ZNF28: variants seen among roughly 807,000 people sequenced by gnomAD.
ZNF28 encodes zinc finger protein 28, also known as zinc finger protein KOX24.
In ZNF28, 5 loss-of-function variants were observed where a neutral mutation model predicts 7.2. The observed-to-expected ratio is 0.70, with a 90% CI of 0.36 to 1.46. ZNF28 has a LOEUF of 1.46. Ranked by LOEUF, ZNF28 falls within the 40% of genes most tolerant of loss-of-function variation. The pLI, the probability that ZNF28 is intolerant of heterozygous loss-of-function variation, is 0.03. For synonymous variants in ZNF28, 288 were observed against 292.4 expected, an observed-to-expected ratio of 0.99 and a Z score of 0.15; for missense variants, 879 against 866.6, an observed-to-expected ratio of 1.01 and a Z score of -0.18.
chr19:52,810,154 C>A (rs928985979), intron 2 of ZNF28: 19 of 926,536 alleles, frequency 2.1e-5, no homozygotes, highest in Admixed American at 1.7e-4. Context: ...GGGCTGGAAG[C>A]TATCGAAGCT....
Position 52,799,190 on chromosome 19 carries a change from T to C in ZNF28, c.*498A>G, listed in dbSNP as rs1304858270. ...TGCCACATTCATTACACTTGTAGGG[T>C]TTCTCTCCAATACGAATTGCCTTTT... On this transcript the variant is annotated 3_prime_UTR_variant, in exon 4 of 4. Transcript: ENST00000457749. 11 of 416,092 alleles carry C rather than the reference T, an allele frequency of 2.6e-5. No homozygotes were observed. The highest frequency in any genetic ancestry group is 4.8e-5 in the South Asian group (2 of 42,020). The allele number at this position is 416,092 out of a possible 1,614,324, so 25.8% of individuals were successfully genotyped here. A position where few individuals can be genotyped will look rare whatever the true frequency, so the allele number is the denominator to read the frequency against.
At chr19:52,807,916 C>G in intron 3 of ZNF28, 91 bp downstream of exon 3, 1 of 1,579,336 alleles carries the variant, frequency 6.3e-7, no homozygotes. Context: ...ATACGGCTTC[C>G]ATTTTAGTCA....
At chr19:52,811,299 C>T (rs903754744) in intron 2 of ZNF28, among the ~76,000 whole-genome samples, 43 of 151,386 alleles carry the variant, frequency 2.8e-4, no homozygotes, top group African/African-American at 9.3e-4. Flanking sequence ...ATTGCAGCCT[C>T]TGCCCGGCCG....
intron 3 of ZNF28, chr19:52,807,804 C>A: frequency 1.1e-6 from 1 of 930,434 alleles, no homozygotes; most frequent in East Asian, 2.8e-5. Context: ...TACTTTACTT[C>A]TGGAAGCTCC....
Position 52,800,775 on chromosome 19 carries a change from C to T in ZNF28, c.1070G>A (p.Cys357Tyr). The T allele has an allele frequency of 1.2e-6, 2 of 1,614,102 alleles. No individual in the cohort carries two copies. The highest frequency in any genetic ancestry group is 1.1e-5 in the South Asian group (1 of 91,082). ...IIHTGEKPYK[C>Y]NECGKVFNRL... is the part of the protein sequence containing the mutation. ...ATTAAAAACCTTGCCACATTCATTACACTTGTAAGGTTTCTCTCCAGTGTG... is the reference window on the plus strand; with the variant it reads ...ATTAAAAACCTTGCCACATTCATTATACTTGTAAGGTTTCTCTCCAGTGTG... Residue 357 changes from cysteine (C) to tyrosine (Y), a missense_variant, in exon 4 of 4, where the codon TGT (cysteine) becomes TAT (tyrosine). Physicochemically the swap from Cys to Tyr is radical, Grantham distance 194. This residue lies in a region of ZNF28 where 864 missense variants were observed against 830.2 expected (regional missense o/e 1.04). Transcript: ENST00000457749.
rs894608430 is a variant in ZNF28, at chr19:52,810,196, A to G, written c.16-2063T>C. 116 of 1,030,746 alleles carry G rather than the reference A, an allele frequency of 1.1e-4. No homozygotes were observed. The African/African-American group carries it at 1.3e-3, about 11-fold the overall frequency. The allele number at this position is 1,030,746 out of a possible 1,614,324, so 63.9% of individuals were successfully genotyped here. On this transcript the variant is annotated intron_variant, in intron 2 of 3. Transcript: ENST00000457749. ...AGGGAGGTGGAGGAAGAAGCTGAGAAGCTAAAGGAGCTACAGAACGACGTA... is the reference window on the plus strand; with the variant it reads ...AGGGAGGTGGAGGAAGAAGCTGAGAGGCTAAAGGAGCTACAGAACGACGTA...
chr19:52,817,183 A>G (rs1339088989), intron 2 of ZNF28, among the ~76,000 whole-genome samples: 3 of 152,074 alleles, frequency 2.0e-5, no homozygotes, highest in Non-Finnish European at 4.4e-5. Context: ...GACCAGCCTG[A>G]TCAACATGGA....
At chr19:52,806,730 T>C (rs10415072) in intron 3 of ZNF28, among the ~76,000 whole-genome samples, 133,679 of 151,590 alleles carry the variant, frequency 0.88, 59,185 homozygotes, top group East Asian at 0.92. Context: ...GGTGAAACAC[T>C]GTCTCTACTA....
At chr19:52,811,740 C>T (rs1229147416) in intron 2 of ZNF28, among the ~76,000 whole-genome samples, 6 of 149,608 alleles carry the variant, frequency 4.0e-5, no homozygotes, top group African/African-American at 5.0e-5. Context: ...GCCCGGCAGC[C>T]GCCCCGTCCG....
At chr19:52,815,040 CAT>C (rs1405340932) in intron 2 of ZNF28, among the ~76,000 whole-genome samples, 5 of 143,718 alleles carry the variant, frequency 3.5e-5, no homozygotes, top group African/African-American at 1.1e-4. Context: ...TCAAAGTATA[CAT>C]GTGTGTATAT....
intron 2 of ZNF28, among the ~76,000 whole-genome samples, chr19:52,811,630 G>A (rs1431555812): frequency 1.2e-4 from 18 of 145,436 alleles, no homozygotes; most frequent in African/African-American, 4.9e-4. Context: ...CGCCCCGTCT[G>A]AGAAGTGAGG....
chr19:52,818,710 A>ATG (rs1555807534), intron 1 of ZNF28, among the ~76,000 whole-genome samples: 1 of 21,536 alleles, frequency 4.6e-5, no homozygotes, highest in East Asian at 3.2e-4. Flanking sequence ...CAAAAATAAA[A>ATG]AAATACAAAT....
intron 2 of ZNF28, among the ~76,000 whole-genome samples, chr19:52,811,874 T>G (rs1179676319): frequency 7.8e-6 from 1 of 128,200 alleles, no homozygotes; most frequent in African/African-American, 3.1e-5. Flanking sequence ...AGCCGCCCCG[T>G]CCGGGAGGGA....
intron 2 of ZNF28, among the ~76,000 whole-genome samples, chr19:52,813,255 A>G (rs1411834906): frequency 6.9e-6 from 1 of 145,324 alleles, no homozygotes; most frequent in African/African-American, 2.5e-5. Flanking sequence ...TGGTGAAAAA[A>G]AAAAAAAAAA....
intron 3 of ZNF28, among the ~76,000 whole-genome samples, chr19:52,802,604 G>C (rs554549351): frequency 6.6e-6 from 1 of 151,584 alleles, no homozygotes; most frequent in South Asian, 2.1e-4. Context: ...TTGAACTTGG[G>C]AGGCAAAGAT....
At chr19:52,807,855 G>A (rs1221762933) in intron 3 of ZNF28, 152 bp downstream of exon 3, 4 of 1,236,890 alleles carry the variant, frequency 3.2e-6, no homozygotes, top group Non-Finnish European at 4.5e-6. Context: ...TAAACAAAGG[G>A]GACAGTGAAA....
rs1369388419 is a variant in ZNF28, at chr19:52,801,653, G to A, written c.192C>T (p.Gly64=). ...MMKTFFSTGQ[G]NTEAFHTGTL... ...TCCCTGTGTGGAACGCTTCTGTATT[G>A]CCTTGCCCTGTTGAGAAGAATGTCT... The change falls in exon 4 of 4, where the codon GGC becomes GGT. Residue 64 remains glycine, a synonymous_variant. Transcript: ENST00000457749. 6.2e-7 allele frequency: 1 copy of A among 1,612,890 alleles called. No individual in the cohort carries two copies. Among genetic ancestry groups the A allele is most frequent in the Non-Finnish European group, 8.5e-7 (1 of 1,179,516 alleles).
chr19:52,812,164 G>T (rs1349897483), intron 2 of ZNF28, among the ~76,000 whole-genome samples: 1 of 127,066 alleles, frequency 7.9e-6, no homozygotes. Context: ...CCCCCGCCCG[G>T]CCAGCCGCCC....
intron 2 of ZNF28, chr19:52,810,720 A>AT (rs1380153689): frequency 2.7e-6 from 2 of 743,920 alleles, no homozygotes; most frequent in Non-Finnish European, 4.9e-6. Context: ...AAAAATGTGT[A>AT]TTAGGAGAGA....
Sources: gnomAD v4.1 joint callset for allele counts (sites outside exome capture counted in the v4.1 genomes callset) on GRCh38, gnomAD v4.1.1 for gene constraint, gnomAD v4.1.1 regional missense constraint, MANE v1.5 for transcripts, NCBI Gene and HGNC (gene_info 2026-07-23, HGNC 2026-07-21) for gene names.